RORA: variants seen among roughly 807,000 people sequenced by gnomAD.
RORA encodes the protein nuclear receptor ROR-alpha.
RORA carries 7 observed loss-of-function variants against 69.5 expected under a neutral mutation model. The ratio of observed to expected loss-of-function variants is 0.10; its 90% CI spans 0.06 to 0.19. The LOEUF (loss-of-function observed/expected upper bound fraction) is 0.19, where lower values mean the gene tolerates loss of function less well. RORA is among the 10% of genes least tolerant of loss of function. The pLI, the probability that RORA is intolerant of heterozygous loss-of-function variation, is 1.00. For missense variants in RORA, 457 were observed against 663.0 expected, an observed-to-expected ratio of 0.69 and a Z score of 3.41; for synonymous variants, 261 against 240.8, an observed-to-expected ratio of 1.08 and a Z score of -0.78.
At chr15:61,157,654 A>C (rs1420005632) in intron 1 of RORA, among the ~76,000 whole-genome samples, 1 of 152,192 alleles carries the variant, frequency 6.6e-6, no homozygotes, top group African/African-American at 2.4e-5. Context: ...AAGACAAAGA[A>C]AAAAATCTTT....
chr15:60,906,370 T>A (rs1891541741), intron 1 of RORA, among the ~76,000 whole-genome samples: 1 of 152,166 alleles, frequency 6.6e-6, no homozygotes, highest in Admixed American at 6.5e-5. Context: ...TCTATTCAAA[T>A]GTAATTAACA....
intron 2 of RORA, among the ~76,000 whole-genome samples, chr15:60,655,135 T>A (rs1338081769): frequency 6.6e-6 from 1 of 152,166 alleles, no homozygotes; most frequent in African/African-American, 2.4e-5. Context: ...GTCATGAGAA[T>A]GGAATGTACC....
chr15:60,602,353 C>G (rs1215189028), intron 2 of RORA, among the ~76,000 whole-genome samples: 1 of 152,126 alleles, frequency 6.6e-6, no homozygotes, highest in Non-Finnish European at 1.5e-5. Context: ...ATCATATTTG[C>G]TCTGTTGTCT....
intron 1 of RORA, among the ~76,000 whole-genome samples, chr15:60,915,570 G>C (rs927816163): frequency 6.6e-6 from 1 of 152,212 alleles, no homozygotes; most frequent in Non-Finnish European, 1.5e-5. Flanking sequence ...TTCACCACTA[G>C]CCACATATGC....
intron 1 of RORA, among the ~76,000 whole-genome samples, chr15:61,078,214 A>T (rs2078481755): frequency 6.6e-6 from 1 of 152,228 alleles, no homozygotes; most frequent in Non-Finnish European, 1.5e-5. Context: ...CCCAGGCTGC[A>T]GTGCAGTGGT....
chr15:61,039,100 G>T (rs999204441), intron 1 of RORA: 1 of 152,202 alleles, frequency 6.6e-6, no homozygotes, highest in Non-Finnish European at 1.5e-5. Flanking sequence ...GGGTTAGCTC[G>T]TCCTTGGCCA....
At chr15:60,611,722 G>C (rs372557255) in intron 2 of RORA, among the ~76,000 whole-genome samples, 1 of 152,020 alleles carries the variant, frequency 6.6e-6, no homozygotes, top group South Asian at 2.1e-4. Flanking sequence ...TGGGAAACCT[G>C]ATGGAGAGAC....
intron 1 of RORA, among the ~76,000 whole-genome samples, chr15:60,877,546 CTGT>C (rs748712499): frequency 3.9e-5 from 6 of 152,052 alleles, no homozygotes; most frequent in Non-Finnish European, 8.8e-5. Context: ...GTAAAAATGG[CTGT>C]TATTATTTTT....
chr15:61,022,435 G>T (rs998276543), intron 1 of RORA, among the ~76,000 whole-genome samples: 2 of 152,174 alleles, frequency 1.3e-5, no homozygotes, highest in African/African-American at 4.8e-5. Context: ...TGGCTGCTGG[G>T]CTTGACCTTA....
chr15:61,169,791 G>C (rs546162907), intron 1 of RORA, among the ~76,000 whole-genome samples: 15 of 151,924 alleles, frequency 9.9e-5, no homozygotes, highest in Admixed American at 8.5e-4. Context: ...AAAAGAAACA[G>C]CTCACATTCC....
At chr15:60,704,189 C>T (rs560671002) in intron 1 of RORA, among the ~76,000 whole-genome samples, 2 of 152,362 alleles carry the variant, frequency 1.3e-5, no homozygotes, top group Non-Finnish European at 2.9e-5. Flanking sequence ...CTTCAATAGA[C>T]GAAGTCTAAA....
chr15:60,871,523 T>C (rs2073556047), intron 1 of RORA, among the ~76,000 whole-genome samples: 1 of 152,228 alleles, frequency 6.6e-6, no homozygotes, highest in African/African-American at 2.4e-5. Context: ...TAAATATTAA[T>C]ATCACCAACT....
intron 1 of RORA, among the ~76,000 whole-genome samples, chr15:61,176,916 T>A (rs1425908671): frequency 1.3e-5 from 2 of 152,196 alleles, no homozygotes. Context: ...GACTTCAAAT[T>A]AACATGTAAC....
intron 1 of RORA, among the ~76,000 whole-genome samples, chr15:60,717,796 C>CTTTTTTTTTTTTTTTTTTTTTTTTTCTT (rs10653856): frequency 1.1e-5 from 1 of 91,974 alleles, no homozygotes; most frequent in Non-Finnish European, 2.0e-5. Flanking sequence ...TTCTTTTTCT[C>CTTTTTTTTTTTTTTTTTTTTTTTTTCTT]TTTTTTTTTT....
rs545726645 is a variant in RORA at position 60,494,683 on chromosome 15, A to G, written c.*2772T>C. ...GGAGCATGTCTCTGTCTACAATTCCATCCTATTATGTCAATCAGTGGACTT... is the reference window on the plus strand; with the variant it reads ...GGAGCATGTCTCTGTCTACAATTCCGTCCTATTATGTCAATCAGTGGACTT... On this transcript the variant is annotated 3_prime_UTR_variant, in exon 11 of 11. Transcript: ENST00000335670. The G allele has an allele frequency of 6.6e-6, 1 of 152,244 alleles. No homozygotes were observed. The highest frequency in any genetic ancestry group is 1.5e-5 in the Non-Finnish European group (1 of 68,010). The allele number at this position is 152,244 out of a possible 1,614,324, so 9.4% of individuals were successfully genotyped here.
chr15:61,194,286 G>A (rs1434892320), intron 1 of RORA, among the ~76,000 whole-genome samples: 2 of 152,108 alleles, frequency 1.3e-5, no homozygotes. Context: ...CAGGCCGGGC[G>A]CGGTGGCTCA....
chr15:61,156,933 G>C (rs2140879383), intron 1 of RORA, among the ~76,000 whole-genome samples: 1 of 152,232 alleles, frequency 6.6e-6, no homozygotes, highest in East Asian at 1.9e-4. Flanking sequence ...TGTTCATCTT[G>C]AAGAACCTGG....
chr15:60,736,855 G>A (rs1354978417), intron 1 of RORA: 1 of 152,182 alleles, frequency 6.6e-6, no homozygotes, highest in East Asian at 1.9e-4. Flanking sequence ...ACTTCGATAG[G>A]AGAATAAATA....
chr15:61,137,732 A>C (rs890276341), intron 1 of RORA, among the ~76,000 whole-genome samples: 1 of 152,234 alleles, frequency 6.6e-6, no homozygotes, highest in East Asian at 1.9e-4. Flanking sequence ...ATCAATTTGC[A>C]TTACATTAAA....
Sources: gnomAD v4.1 joint callset for allele counts (sites outside exome capture counted in the v4.1 genomes callset) on GRCh38, gnomAD v4.1.1 for gene constraint, MANE v1.5 for transcripts, NCBI Gene and HGNC (gene_info 2026-07-23, HGNC 2026-07-21) for gene names.